Variants in POLR1A observed in about 807,000 individuals in gnomAD.
POLR1A encodes the protein DNA-directed RNA polymerase I subunit RPA1.
Under a neutral mutation model 205.3 loss-of-function variants are expected in POLR1A, and 84 were observed. That is an observed-to-expected ratio of 0.41 (90% CI 0.34 to 0.49). The LOEUF (loss-of-function observed/expected upper bound fraction) is 0.49, where lower values mean the gene tolerates loss of function less well. Among genes scored for constraint, POLR1A ranks in the 20% least tolerant of loss-of-function variants. POLR1A has a pLI of 0.22. For missense variants in POLR1A, 1,645 were observed against 2,204.5 expected, an observed-to-expected ratio of 0.75 and a Z score of 5.08; for synonymous variants, 799 against 863.7, an observed-to-expected ratio of 0.93 and a Z score of 1.31.
At position 86,045,604 on chromosome 2, in the gene POLR1A, C is replaced by T; in HGVS notation, c.2886+13G>A. 3.1e-6 allele frequency: 5 copies of T among 1,613,986 alleles called. No individual in the cohort carries two copies. Among genetic ancestry groups the T allele is most frequent in the Non-Finnish European group, 3.4e-6 (4 of 1,179,942 alleles). The stretch of plus-strand genomic sequence containing the variant: ...TGAGGGAAAAAGCTAAATGGAAAAA[C>T]CAAAATACATACAGGAGGTTTGATG... On this transcript the variant is annotated intron_variant, in intron 20 of 33. Transcript: ENST00000263857.
At position 86,028,635 on chromosome 2, in the gene POLR1A, C is replaced by T. The variant is rs537491902; in HGVS notation, c.4856G>A (p.Arg1619Gln). 27 of 1,614,212 alleles carry T rather than the reference C, an allele frequency of 1.7e-5. No individual in the cohort carries two copies. Among genetic ancestry groups the T allele is most frequent in the East Asian group, 1.6e-4 (7 of 44,884 alleles). ...ATCCTTGATCTCCTTCTCGATCACCCGCAGCGCGGCCTCAATGCCATACGT... is the reference window on the plus strand; with the variant it reads ...ATCCTTGATCTCCTTCTCGATCACCTGCAGCGCGGCCTCAATGCCATACGT... ...ANTYGIEAAL[R>Q]VIEKEIKDVF... Residue 1619 changes from arginine to glutamine, a missense_variant, in exon 32 of 34, where the codon CGG (arginine) becomes CAG (glutamine). Arg to Gln is a conservative substitution (Grantham distance 43). This residue lies in a region of POLR1A where 86 missense variants were observed against 149.8 expected (regional missense o/e 0.57). Coordinates refer to ENST00000263857, the MANE Select transcript of POLR1A (RefSeq NM_015425.6). This position sits in a 1 kb window ranked among gnomAD's most constrained non-coding sequence, Gnocchi z 4.5.
chr2:86,081,568 T>C, intron 8 of POLR1A, 33 bp downstream of exon 8: 3 of 1,378,886 alleles, frequency 2.2e-6, no homozygotes, highest in Admixed American at 2.0e-5. Flanking sequence ...TACGCTTTTT[T>C]TCAGGTGAAA....
At chr2:86,064,440 T>A (rs1429106688) in intron 14 of POLR1A, among the ~76,000 whole-genome samples, 1 of 152,162 alleles carries the variant, frequency 6.6e-6, no homozygotes, top group African/African-American at 2.4e-5. Context: ...TCGCCACATA[T>A]CATGTAATTT....
At chr2:86,030,765 T>C (rs1218248106) in intron 30 of POLR1A, among the ~76,000 whole-genome samples, 23 of 152,196 alleles carry the variant, frequency 1.5e-4, no homozygotes, top group Admixed American at 1.4e-3. Flanking sequence ...TGGGAACCAC[T>C]GAACTGGATC....
At position 86,045,521 on chromosome 2, in the gene POLR1A, G is replaced by C. The variant is rs1271818116; in HGVS notation, c.2886+96C>G. 5 of 1,380,066 alleles carry C rather than the reference G, an allele frequency of 3.6e-6. No homozygotes were observed. In the Admixed American group the frequency reaches 5.3e-5, roughly 15 times the overall value. 85.5% of individuals were successfully genotyped at this position (1,380,066 alleles called of 1,614,324 possible). A position where few individuals can be genotyped will look rare whatever the true frequency, so the allele number is the denominator to read the frequency against. On this transcript the variant is annotated intron_variant, in intron 20 of 33. Coordinates refer to ENST00000263857, the MANE Select transcript of POLR1A (RefSeq NM_015425.6). ...ACCTCGACAGCTACAATAGCCCCCA[G>C]TGTCTTCTGCCCTACCCTGTAGGGC...
chr2:86,082,085 C>T (rs1007401243), intron 7 of POLR1A, among the ~76,000 whole-genome samples: 4 of 152,112 alleles, frequency 2.6e-5, no homozygotes, highest in African/African-American at 7.2e-5. Context: ...ATCCACCTGC[C>T]TCAGCCTCCC....
chr2:86,090,878 G>A (rs914600829), intron 3 of POLR1A, among the ~76,000 whole-genome samples: 1 of 152,346 alleles, frequency 6.6e-6, no homozygotes, highest in African/African-American at 2.4e-5. Context: ...CCAGGTGTTT[G>A]AGGCTGCAGT....
intron 22 of POLR1A, among the ~76,000 whole-genome samples, chr2:86,043,441 A>C (rs1020149133): frequency 4.6e-5 from 7 of 152,158 alleles, no homozygotes; most frequent in African/African-American, 1.7e-4. Context: ...ACAGGAAAGA[A>C]AGCAGCACAC....
Position 86,021,672 on chromosome 2 carries a change from C to T in POLR1A, c.*5751G>A, listed in dbSNP as rs1271470287. ...CTGGCTTGTTTGGGGCAGAAGACTACAAGTTCTGTGAGGGCAGGGCCCACA... is the reference window on the plus strand; with the variant it reads ...CTGGCTTGTTTGGGGCAGAAGACTATAAGTTCTGTGAGGGCAGGGCCCACA... On this transcript the variant is annotated 3_prime_UTR_variant, in exon 34 of 34. Coordinates refer to ENST00000263857, the MANE Select transcript of POLR1A (RefSeq NM_015425.6). 6.6e-6 allele frequency: 1 copy of T among 151,784 alleles called. No individual in the cohort carries two copies. Among genetic ancestry groups the T allele is most frequent in the Non-Finnish European group, 1.5e-5 (1 of 68,070 alleles). 9.4% of individuals were successfully genotyped at this position (151,784 alleles called of 1,614,324 possible).
intron 12 of POLR1A, among the ~76,000 whole-genome samples, chr2:86,074,608 C>T (rs1310362104): frequency 6.6e-6 from 1 of 152,196 alleles, no homozygotes; most frequent in African/African-American, 2.4e-5. Context: ...AAAATGGAAA[C>T]ATTAGTTATA....
intron 13 of POLR1A, among the ~76,000 whole-genome samples, chr2:86,068,607 A>C (rs1239826161): frequency 2.0e-5 from 3 of 152,202 alleles, no homozygotes; most frequent in Non-Finnish European, 4.4e-5. Flanking sequence ...TTATTATTTA[A>C]ATGAAAACAT....
intron 3 of POLR1A, among the ~76,000 whole-genome samples, chr2:86,092,853 T>C (rs1030712557): frequency 6.6e-6 from 1 of 152,150 alleles, no homozygotes; most frequent in African/African-American, 2.4e-5. Context: ...ATGTTACTTA[T>C]TTTATGAGGC....
intron 30 of POLR1A, 28 bp from the exon 31 acceptor site, chr2:86,030,424 G>A: frequency 1.3e-6 from 2 of 1,511,658 alleles, no homozygotes; most frequent in Non-Finnish European, 1.8e-6. Context: ...GCTGGGTAGG[G>A]TGACAGCTAC....
chr2:86,074,651 G>A (rs531537330), intron 12 of POLR1A, among the ~76,000 whole-genome samples: 4 of 152,324 alleles, frequency 2.6e-5, no homozygotes, highest in African/African-American at 7.2e-5. Flanking sequence ...CTGGCACAGA[G>A]CACTCCCTTC....
intron 21 of POLR1A, 174 bp from the exon 22 acceptor site, chr2:86,044,478 C>G: frequency 1.6e-6 from 1 of 645,056 alleles, no homozygotes; most frequent in Non-Finnish European, 2.6e-6. Context: ...GCTCCAGTGT[C>G]CCCCAGCCAG....
chr2:86,057,878 T>C (rs943926854), intron 14 of POLR1A, among the ~76,000 whole-genome samples: 13 of 152,252 alleles, frequency 8.5e-5, no homozygotes, highest in African/African-American at 2.4e-4. Context: ...TACAGTGTGG[T>C]GATGGTTGCA....
intron 31 of POLR1A, among the ~76,000 whole-genome samples, chr2:86,029,428 T>C (rs533459763): frequency 6.6e-6 from 1 of 151,608 alleles, no homozygotes; most frequent in African/African-American, 2.4e-5. Context: ...GAAGTGGGAG[T>C]ACTTGGAGAC....
intron 11 of POLR1A, among the ~76,000 whole-genome samples, chr2:86,076,783 C>G (rs1173250879): frequency 6.6e-6 from 1 of 152,254 alleles, no homozygotes; most frequent in African/African-American, 2.4e-5. Flanking sequence ...ACTGTAGGCA[C>G]TATGAAGTCA....
intron 3 of POLR1A, among the ~76,000 whole-genome samples, chr2:86,095,801 C>T (rs1402523096): frequency 2.0e-5 from 3 of 151,628 alleles, no homozygotes; most frequent in African/African-American, 7.3e-5. Context: ...GATCTTGGCT[C>T]ACTGCAAGCT....
Sources: allele counts gnomAD v4.1 joint callset (sites outside exome capture counted in the v4.1 genomes callset), GRCh38; gene constraint gnomAD v4.1.1; regional missense constraint gnomAD v4.1.1; non-coding constraint Gnocchi (gnomAD v3.1); transcripts MANE v1.5; gene names NCBI Gene and HGNC (gene_info 2026-07-23, HGNC 2026-07-21).